PIK3C2G: variants seen among roughly 807,000 people sequenced by gnomAD.
The protein encoded by PIK3C2G is phosphatidylinositol 3-kinase C2 domain-containing subunit gamma.
Under a neutral mutation model 181.1 loss-of-function variants are expected in PIK3C2G, and 168 were observed. The ratio of observed to expected loss-of-function variants is 0.93; its 90% CI spans 0.82 to 1.05. The LOEUF is 1.05. Ranked by LOEUF, PIK3C2G falls within the 50% of genes least tolerant of loss-of-function variation. The pLI is 0.00. For synonymous variants in PIK3C2G, 573 were observed against 592.2 expected (o/e 0.97, Z 0.47); for missense variants, 1,869 against 1,732.8 (o/e 1.08, Z -1.40).
chr12:18,453,971 T>C (rs1027219339), intron 18 of PIK3C2G, among the ~76,000 whole-genome samples: 7 of 152,210 alleles, frequency 4.6e-5, no homozygotes, highest in African/African-American at 7.2e-5. Context: ...GTAAAGCTTC[T>C]TGTAGTTTTA....
intron 10 of PIK3C2G, among the ~76,000 whole-genome samples, chr12:18,346,250 G>A (rs1052692912): frequency 1.3e-5 from 2 of 152,090 alleles, no homozygotes; most frequent in African/African-American, 4.8e-5. Context: ...TAATTCTTTA[G>A]ATGGAATTTG....
intron 3 of PIK3C2G, among the ~76,000 whole-genome samples, chr12:18,288,180 A>G (rs550435121): frequency 1.1e-3 from 164 of 152,266 alleles, no homozygotes; most frequent in Non-Finnish European, 1.7e-3. Flanking sequence ...AGAGAAGAAG[A>G]TAAACTAATG....
Position 18,282,572 on chromosome 12 carries a change from A to G in PIK3C2G, c.491A>G (p.Asn164Ser), listed in dbSNP as rs1949266500. The change falls in exon 2 of 33, where the codon AAT becomes AGT. Residue 164 changes from asparagine (N) to serine (S), a missense_variant. Transcript: ENST00000538779. ...CTAGAGAAAGAATTAGAAAATGAAA[A>G]TCATAACTACCATATAGGATTTGAA... ...INLEKELENE[N>S]HNYHIGFESS... is the part of the protein sequence containing the mutation. 3.1e-6 allele frequency: 5 copies of G among 1,612,264 alleles called. No homozygotes were observed. The highest frequency in any genetic ancestry group is 4.2e-6 in the Non-Finnish European group (5 of 1,178,742).
the PIK3C2G span, among the ~76,000 whole-genome samples, chr12:18,669,322 T>C: frequency 3.2e-3 from 491 of 152,334 alleles, 3 homozygotes; most frequent in African/African-American, 0.011. Context: ...TGGTCTCTTG[T>C]ATTCTTACTA....
chr12:18,538,160 C>G lies in PIK3C2G; in HGVS notation c.3328C>G (p.Arg1110Gly). The G allele has an allele frequency of 6.2e-7, 1 of 1,610,616 alleles. No individual in the cohort carries two copies. The highest frequency in any genetic ancestry group is 8.5e-7 in the Non-Finnish European group (1 of 1,178,328). ...AQTFGGIKRD[R>G]APFIFTSEME... ...GCTACTGTTTTTGGTTTACAGGGACCGAGCTCCTTTCATTTTTACTTCAGA... is the reference window on the plus strand; with the variant it reads ...GCTACTGTTTTTGGTTTACAGGGACGGAGCTCCTTTCATTTTTACTTCAGA... Residue 1110 changes from arginine (R) to glycine (G), a missense_variant, in exon 25 of 33, where the codon CGA (arginine) becomes GGA (glycine). Coordinates refer to ENST00000538779, the MANE Select transcript of PIK3C2G (RefSeq NM_001288772.2).
intron 13 of PIK3C2G, among the ~76,000 whole-genome samples, chr12:18,380,361 G>A (rs1380069386): frequency 2.0e-5 from 3 of 152,122 alleles, no homozygotes; most frequent in Admixed American, 1.3e-4. Flanking sequence ...TTCTCTAAAT[G>A]CTGTGGAGAA....
chr12:18,365,609 T>C (rs929011544), intron 12 of PIK3C2G, among the ~76,000 whole-genome samples: 2 of 152,200 alleles, frequency 1.3e-5, no homozygotes, highest in East Asian at 3.8e-4. Context: ...TTGTTCTCCA[T>C]GTCCTTCTCT....
At chr12:18,619,643 GTTTCAC>G (rs1421734992) in intron 31 of PIK3C2G, among the ~76,000 whole-genome samples, 1 of 151,326 alleles carries the variant, frequency 6.6e-6, no homozygotes, top group African/African-American at 2.4e-5. Flanking sequence ...GACACATGCT[GTTTCAC>G]TTTCAAGTAT....
intron 25 of PIK3C2G, among the ~76,000 whole-genome samples, chr12:18,545,724 C>T (rs1263828611): frequency 6.6e-6 from 1 of 151,790 alleles, no homozygotes; most frequent in African/African-American, 2.4e-5. Flanking sequence ...AAATTGTATT[C>T]TTCTAGTGAG....
At chr12:18,329,875 G>A (rs1457918767) in intron 8 of PIK3C2G, among the ~76,000 whole-genome samples, 1 of 152,062 alleles carries the variant, frequency 6.6e-6, no homozygotes, top group African/African-American at 2.4e-5. Flanking sequence ...TTAGGTATAT[G>A]TAATGCTATC....
the PIK3C2G span, among the ~76,000 whole-genome samples, chr12:18,690,007 G>C: frequency 1.8e-4 from 27 of 152,094 alleles, no homozygotes; most frequent in Non-Finnish European, 1.9e-4. Flanking sequence ...CTCAACAAGA[G>C]ACTCCTCAGA....
At chr12:18,714,543 C>T in the PIK3C2G span, 1 of 152,182 alleles carries the variant, frequency 6.6e-6, no homozygotes, top group Non-Finnish European at 1.5e-5. Context: ...TGAGAGCTGA[C>T]TTGAAACACC....
chr12:18,522,524 T>G (rs1942983599), intron 24 of PIK3C2G, among the ~76,000 whole-genome samples: 1 of 151,946 alleles, frequency 6.6e-6, no homozygotes, highest in Non-Finnish European at 1.5e-5. Flanking sequence ...TTGGCAGGTT[T>G]TTTTTTTTTT....
chr12:18,635,478 C>T (rs77998354), intron 31 of PIK3C2G, among the ~76,000 whole-genome samples: 5 of 152,268 alleles, frequency 3.3e-5, no homozygotes, highest in Admixed American at 6.5e-5. Flanking sequence ...TCGGGGCACA[C>T]GGCGACATGG....
chr12:18,623,183 T>C (rs1948940630), intron 31 of PIK3C2G, among the ~76,000 whole-genome samples: 1 of 151,816 alleles, frequency 6.6e-6, no homozygotes, highest in African/African-American at 2.4e-5. Flanking sequence ...TAAGATCTTA[T>C]ATTTAAGTCT....
At chr12:18,683,174 A>C in the PIK3C2G span, 1 of 1,352,130 alleles carries the variant, frequency 7.4e-7, no homozygotes, top group South Asian at 1.2e-5. Context: ...AGAAAACATA[A>C]AGACATTCAT....
At chr12:18,429,097 G>T (rs1303257436) in intron 18 of PIK3C2G, among the ~76,000 whole-genome samples, 2 of 152,146 alleles carry the variant, frequency 1.3e-5, no homozygotes, top group Non-Finnish European at 2.9e-5. Context: ...CTTGAGATTA[G>T]TTCCCCCTGG....
intron 8 of PIK3C2G, among the ~76,000 whole-genome samples, chr12:18,331,178 A>G (rs1937924206): frequency 6.6e-6 from 1 of 152,142 alleles, no homozygotes; most frequent in Non-Finnish European, 1.5e-5. Context: ...TAAGTTCTCC[A>G]AAATCATTCT....
chr12:18,596,872 G>T (rs2136508810), intron 30 of PIK3C2G, among the ~76,000 whole-genome samples: 1 of 152,188 alleles, frequency 6.6e-6, no homozygotes, highest in Admixed American at 6.6e-5. Context: ...AAATGTTAAT[G>T]ATGTGAAAGG....
Sources: gnomAD v4.1 joint callset for allele counts (sites outside exome capture counted in the v4.1 genomes callset) on GRCh38, gnomAD v4.1.1 for gene constraint, MANE v1.5 for transcripts, NCBI Gene and HGNC (gene_info 2026-07-23, HGNC 2026-07-21) for gene names.